Variants in PFKFB3 observed in about 807,000 individuals in gnomAD.
PFKFB3 encodes the protein 6-phosphofructo-2-kinase/fructose-2,6-bisphosphatase 3.
A neutral mutation model predicts 68.0 loss-of-function variants in PFKFB3; 33 were observed. That is an observed-to-expected ratio of 0.49 (90% confidence interval 0.37 to 0.65). The LOEUF (loss-of-function observed/expected upper bound fraction) is 0.65, where lower values mean the gene tolerates loss of function less well. PFKFB3 is among the 30% of genes least tolerant of loss of function. PFKFB3 has a pLI of 0.00. For missense variants in PFKFB3, 586 were observed against 712.2 expected (o/e 0.82, Z 2.02); for synonymous variants, 315 against 288.2 (o/e 1.09, Z -0.94).
intron 1 of PFKFB3, among the ~76,000 whole-genome samples, chr10:6,205,040 C>T (rs1410326370): frequency 6.6e-6 from 1 of 152,230 alleles, no homozygotes; most frequent in Non-Finnish European, 1.5e-5. Flanking sequence ...CTGCACGTCT[C>T]ACACGCAGTG....
intron 1 of PFKFB3, among the ~76,000 whole-genome samples, chr10:6,157,279 T>C (rs1191735597): frequency 6.7e-6 from 1 of 149,832 alleles, no homozygotes; most frequent in Non-Finnish European, 1.5e-5. Flanking sequence ...CAGGCTGGAG[T>C]GCAGTGGCGC....
In PFKFB3 at chr10:6,219,526, C is replaced by G. The variant is rs146674174; in HGVS notation, c.499-43C>G. The stretch of plus-strand genomic sequence containing the variant: ...AATCCTGCTTAATCTCAGCAGAAAG[C>G]CTTCCAGCGTGATTTATCAGCCACC... On this transcript the variant is annotated intron_variant, in intron 6 of 14. Coordinates refer to ENST00000379775, the MANE Select transcript of PFKFB3 (RefSeq NM_004566.4). 3,578 of 1,612,332 alleles carry G rather than the reference C, an allele frequency of 2.2e-3. 7 individuals carry two copies. The highest frequency in any genetic ancestry group is 3.6e-3 in the Middle Eastern group (22 of 6,058).
chr10:6,308,264 A>T, the PFKFB3 span, among the ~76,000 whole-genome samples: 1 of 152,160 alleles, frequency 6.6e-6, no homozygotes, highest in Non-Finnish European at 1.5e-5. Flanking sequence ...CATAATCCCA[A>T]CACTTAGGGA....
In PFKFB3 at chr10:6,229,148, T is replaced by G. The variant is rs775897456; in HGVS notation, c.1515+2783T>G. ...TGATGAGGAATGCAGCCTGAGATGC[T>G]GAAAAGAATGACTGGCTTTGGAAAT... On this transcript the variant is annotated intron_variant, in intron 14 of 14. Coordinates refer to ENST00000379775, the MANE Select transcript of PFKFB3 (RefSeq NM_004566.4). The surrounding 1 kb of genome is among the most constrained non-coding windows in gnomAD (Gnocchi z 4.3). 3 of 510,770 alleles carry G rather than the reference T, an allele frequency of 5.9e-6. No individual in the cohort carries two copies. Among genetic ancestry groups the G allele is most frequent in the South Asian group, 2.8e-5 (2 of 70,640 alleles). The allele number at this position is 510,770 out of a possible 1,614,324, so 31.6% of individuals were successfully genotyped here.
At chr10:6,288,923 G>A in the PFKFB3 span, among the ~76,000 whole-genome samples, 1 of 151,588 alleles carries the variant, frequency 6.6e-6, no homozygotes, top group Non-Finnish European at 1.5e-5. Context: ...GTATCTCACT[G>A]TGGTTTTGAT....
the PFKFB3 span, among the ~76,000 whole-genome samples, chr10:6,270,726 T>C: frequency 3.9e-5 from 6 of 152,312 alleles, no homozygotes; most frequent in African/African-American, 1.4e-4. Flanking sequence ...CCCTATGACA[T>C]GCGCTCATCG....
chr10:6,218,347 A>ATT lies in PFKFB3; in HGVS notation c.498+1165_498+1166dup, dbSNP rs5782882. Among the ~76,000 whole-genome samples, 107 of 150,198 alleles carry ATT rather than the reference A, an allele frequency of 7.1e-4. 1 individual carries two copies. The highest frequency in any genetic ancestry group is 1.0e-3 in the Non-Finnish European group (71 of 67,682). ...TAGAGCCAGGCATTTGTGAACTTAG[A>ATT]TTTTTTTTTTAAATTGTGGTAAAAT... is the stretch of plus-strand genomic sequence containing the variant. On this transcript the variant is annotated intron_variant, in intron 6 of 14. Coordinates refer to ENST00000379775, the MANE Select transcript of PFKFB3 (RefSeq NM_004566.4).
chr10:6,237,934 G>T (rs1283868825), downstream of PFKFB3, among the ~76,000 whole-genome samples: 1 of 152,092 alleles, frequency 6.6e-6, no homozygotes, highest in Non-Finnish European at 1.5e-5. Flanking sequence ...TTTGGATTCA[G>T]TTGTTCTCGG....
the PFKFB3 span, among the ~76,000 whole-genome samples, chr10:6,281,561 A>G: frequency 2.9e-4 from 44 of 152,166 alleles, no homozygotes; most frequent in South Asian, 4.6e-3. Flanking sequence ...AAAAAGTGCC[A>G]CTTCTCTTAA....
the PFKFB3 span, among the ~76,000 whole-genome samples, chr10:6,267,954 C>CAAAAA: frequency 1.3e-3 from 109 of 85,746 alleles, 2 homozygotes; most frequent in East Asian, 5.7e-3. Context: ...GACCCTATCT[C>CAAAAA]AAAAAAAAAA....
chr10:6,246,588 C>A (rs556619561), intron 14 of PFKFB3, among the ~76,000 whole-genome samples: 3 of 151,964 alleles, frequency 2.0e-5, no homozygotes, highest in Admixed American at 1.3e-4. Context: ...GTGATCCGCC[C>A]GCGTCGGCCT....
downstream of PFKFB3, among the ~76,000 whole-genome samples, chr10:6,256,540 A>T (rs189945343): frequency 6.1e-3 from 935 of 152,290 alleles, 5 homozygotes; most frequent in African/African-American, 0.021. Flanking sequence ...CCAGGCTGCC[A>T]TGTGCATGGA....
chr10:6,203,453 C>A (rs1454870012), intron 1 of PFKFB3, 117 bp downstream of exon 1: 4 of 513,888 alleles, frequency 7.8e-6, no homozygotes, highest in Non-Finnish European at 1.1e-5. Context: ...CGGGTCGCGC[C>A]GGCGGGGCGG....
intron 1 of PFKFB3, among the ~76,000 whole-genome samples, chr10:6,145,221 C>T (rs1841339863): frequency 6.6e-6 from 1 of 151,828 alleles, no homozygotes; most frequent in Non-Finnish European, 1.5e-5. Flanking sequence ...CCCTCCAGAT[C>T]CGCACTGTCT....
intron 14 of PFKFB3, among the ~76,000 whole-genome samples, chr10:6,240,554 G>A (rs775787223): frequency 1.4e-4 from 21 of 152,080 alleles, no homozygotes; most frequent in Non-Finnish European, 2.4e-4. Flanking sequence ...GTGAGCCGCC[G>A]CGCCTGGCCT....
chr10:6,324,996 C>T, the PFKFB3 span, among the ~76,000 whole-genome samples: 2 of 152,124 alleles, frequency 1.3e-5, no homozygotes, highest in African/African-American at 4.8e-5. Flanking sequence ...CAGGATCTCC[C>T]TCTGACACCC....
At chr10:6,161,476 A>G (rs535283865) in intron 1 of PFKFB3, among the ~76,000 whole-genome samples, 1 of 152,230 alleles carries the variant, frequency 6.6e-6, no homozygotes, top group African/African-American at 2.4e-5. Context: ...AATAATCTTT[A>G]TAAAAAATTT....
At chr10:6,321,570 T>C in the PFKFB3 span, among the ~76,000 whole-genome samples, 1 of 152,304 alleles carries the variant, frequency 6.6e-6, no homozygotes, top group South Asian at 2.1e-4. Context: ...GCATCTCTTT[T>C]GGAATCTTGA....
chr10:6,256,983 A>G (rs541472181), downstream of PFKFB3, among the ~76,000 whole-genome samples: 1 of 152,202 alleles, frequency 6.6e-6, no homozygotes, highest in Non-Finnish European at 1.5e-5. Flanking sequence ...TACTCAACCT[A>G]CTTAGAGCTC....
Sources: gnomAD v4.1 joint callset for allele counts (sites outside exome capture counted in the v4.1 genomes callset) on GRCh38, gnomAD v4.1.1 for gene constraint, Gnocchi (gnomAD v3.1) non-coding constraint, MANE v1.5 for transcripts, NCBI Gene and HGNC (gene_info 2026-07-23, HGNC 2026-07-21) for gene names.